GALNTL6: variants seen among roughly 807,000 people sequenced by gnomAD.
GALNTL6 encodes polypeptide N-acetylgalactosaminyltransferase like 6.
In GALNTL6, 46 loss-of-function variants were observed where a neutral mutation model predicts 73.7. The observed-to-expected ratio is 0.62, with a 90% CI of 0.49 to 0.80. The LOEUF is 0.80. GALNTL6 is among the 30% of genes least tolerant of loss of function. The pLI is 0.00. For synonymous variants in GALNTL6, 259 were observed against 263.7 expected (o/e 0.98, Z 0.17); for missense variants, 604 against 755.0 (o/e 0.80, Z 2.34).
At chr4:172,716,422 A>G (rs538704425) in intron 5 of GALNTL6, among the ~76,000 whole-genome samples, 50 of 152,290 alleles carry the variant, frequency 3.3e-4, no homozygotes, top group African/African-American at 1.1e-3. Context: ...AAGGCTCTCA[A>G]TGAAGGAAAG....
chr4:172,327,478 T>C (rs1169227349), intron 4 of GALNTL6, among the ~76,000 whole-genome samples: 1 of 152,096 alleles, frequency 6.6e-6, no homozygotes, highest in East Asian at 1.9e-4. Flanking sequence ...AGCGATCTAA[T>C]ATTGTCAGTG....
At chr4:171,954,334 G>A (rs420813) in intron 2 of GALNTL6, among the ~76,000 whole-genome samples, 145,705 of 152,304 alleles carry the variant, frequency 0.96, 69,940 homozygotes, top group Non-Finnish European at 1. Context: ...CATTTTTGTA[G>A]CATATAAAAA....
intron 8 of GALNTL6, among the ~76,000 whole-genome samples, chr4:172,899,019 T>C (rs1381937875): frequency 1.3e-5 from 2 of 152,184 alleles, no homozygotes; most frequent in African/African-American, 2.4e-5. Flanking sequence ...TAGCCACTGC[T>C]TGCCCAATTG....
At chr4:172,815,931 G>A (rs1222143152) in intron 7 of GALNTL6, among the ~76,000 whole-genome samples, 2 of 152,146 alleles carry the variant, frequency 1.3e-5, no homozygotes, top group African/African-American at 2.4e-5. Flanking sequence ...TTGCCTTCCT[G>A]ATAATAAAAG....
intron 8 of GALNTL6, among the ~76,000 whole-genome samples, chr4:172,896,563 G>T (rs1380132564): frequency 6.6e-6 from 1 of 151,712 alleles, no homozygotes; most frequent in East Asian, 2.0e-4. Flanking sequence ...CCCTGCACAG[G>T]CAGGATGGAT....
chr4:172,204,747 T>C (rs934728915), intron 2 of GALNTL6, among the ~76,000 whole-genome samples: 3 of 152,198 alleles, frequency 2.0e-5, no homozygotes, highest in Non-Finnish European at 4.4e-5. Flanking sequence ...GAAAACAGAA[T>C]AGAGTTATCA....
chr4:171,976,276 T>C (rs1739718917), intron 2 of GALNTL6, among the ~76,000 whole-genome samples: 1 of 152,212 alleles, frequency 6.6e-6, no homozygotes. Context: ...AGAAAATTTG[T>C]GTCGTTACAT....
chr4:172,562,601 T>C (rs552582274), intron 5 of GALNTL6, among the ~76,000 whole-genome samples: 2 of 152,342 alleles, frequency 1.3e-5, no homozygotes, highest in Non-Finnish European at 1.5e-5. Context: ...GAAGCTGTGC[T>C]AAATTCACTC....
intron 2 of GALNTL6, among the ~76,000 whole-genome samples, chr4:172,041,187 C>A (rs1370818127): frequency 5.3e-5 from 8 of 151,918 alleles, no homozygotes; most frequent in Non-Finnish European, 7.4e-5. Context: ...TTATTGATCC[C>A]TATGAATCAG....
chr4:173,022,082 G>A (rs142166562), intron 12 of GALNTL6, among the ~76,000 whole-genome samples: 280 of 87,626 alleles, frequency 3.2e-3, no homozygotes, highest in African/African-American at 9.1e-3. Flanking sequence ...AAGGAAGGAA[G>A]GAAGGAAAGA....
chr4:171,963,427 G>C (rs1270483153), intron 2 of GALNTL6, among the ~76,000 whole-genome samples: 1 of 151,946 alleles, frequency 6.6e-6, no homozygotes, highest in East Asian at 1.9e-4. Flanking sequence ...GTTATTTAAA[G>C]AGTGGAATTT....
chr4:172,339,012 C>T (rs1359764365), intron 4 of GALNTL6, among the ~76,000 whole-genome samples: 1 of 152,132 alleles, frequency 6.6e-6, no homozygotes, highest in East Asian at 1.9e-4. Context: ...ATGGTGGACA[C>T]TCAGGCTGTT....
At chr4:172,069,461 C>CATATAACCTATATGTTAT (rs1560909328) in intron 2 of GALNTL6, among the ~76,000 whole-genome samples, 2 of 52,038 alleles carry the variant, frequency 3.8e-5, no homozygotes, top group African/African-American at 1.2e-4. Flanking sequence ...ATATAACACA[C>CATATAACCTATATGTTAT]ATATAACATA....
chr4:172,224,257 C>T (rs747876050), intron 2 of GALNTL6, among the ~76,000 whole-genome samples: 4 of 152,062 alleles, frequency 2.6e-5, no homozygotes, highest in Admixed American at 6.6e-5. Context: ...GTTCTTATTA[C>T]CCTAATTTCA....
intron 5 of GALNTL6, among the ~76,000 whole-genome samples, chr4:172,489,417 C>A (rs376526151): frequency 6.6e-6 from 1 of 152,096 alleles, no homozygotes; most frequent in South Asian, 2.1e-4. Context: ...TTGATTTACG[C>A]ATGTGTATGT....
At chr4:172,596,526 T>C (rs867189019) in intron 5 of GALNTL6, among the ~76,000 whole-genome samples, 24 of 151,954 alleles carry the variant, frequency 1.6e-4, no homozygotes, top group Middle Eastern at 3.4e-3. Flanking sequence ...TATTTTTCTA[T>C]CCTAGGAGTT....
chr4:172,133,279 T>C (rs1020052657), intron 2 of GALNTL6, among the ~76,000 whole-genome samples: 4 of 152,186 alleles, frequency 2.6e-5, no homozygotes, highest in African/African-American at 7.2e-5. Flanking sequence ...CCAGGAACTA[T>C]GAATAGAGAA....
At chr4:171,879,870 C>T (rs1736391180) in intron 2 of GALNTL6, among the ~76,000 whole-genome samples, 1 of 152,166 alleles carries the variant, frequency 6.6e-6, no homozygotes, top group Non-Finnish European at 1.5e-5. Flanking sequence ...ATTGGAGGAA[C>T]ACATTCTTTT....
At chr4:172,769,625 G>A (rs868205714) in intron 5 of GALNTL6, among the ~76,000 whole-genome samples, 14 of 152,220 alleles carry the variant, frequency 9.2e-5, no homozygotes, top group Admixed American at 3.3e-4. Flanking sequence ...ATAGAGATCT[G>A]AGAGTTATCT....
Sources: gnomAD v4.1 joint callset for allele counts (sites outside exome capture counted in the v4.1 genomes callset) on GRCh38, gnomAD v4.1.1 for gene constraint, MANE v1.5 for transcripts, NCBI Gene and HGNC (gene_info 2026-07-23, HGNC 2026-07-21) for gene names.